Variants in GPR158 observed in about 807,000 individuals in gnomAD.
GPR158 encodes G protein-coupled receptor 158, also known as metabotropic glycine receptor.
GPR158 carries 30 observed loss-of-function variants against 78.2 expected under a neutral mutation model. That is an observed-to-expected ratio of 0.38 (90% CI 0.29 to 0.52). The LOEUF (loss-of-function observed/expected upper bound fraction) is 0.52. Ranked by LOEUF, GPR158 falls within the 20% of genes least tolerant of loss-of-function variation. The pLI is 0.83. For synonymous variants in GPR158, 581 were observed against 591.1 expected (o/e 0.98, Z 0.25); for missense variants, 1,463 against 1,523.5 (o/e 0.96, Z 0.66).
intron 2 of GPR158, among the ~76,000 whole-genome samples, chr10:25,312,798 G>A (rs1451663737): frequency 6.6e-6 from 1 of 152,032 alleles, no homozygotes; most frequent in Non-Finnish European, 1.5e-5. Context: ...AAGTGAAATT[G>A]AATCATTTTC....
At chr10:25,335,335 G>A (rs1337328890) in intron 2 of GPR158, among the ~76,000 whole-genome samples, 1 of 152,072 alleles carries the variant, frequency 6.6e-6, no homozygotes, top group African/African-American at 2.4e-5. Context: ...CATAGGGATA[G>A]AAATATCTAG....
At chr10:25,548,121 T>C (rs1836687270) in intron 5 of GPR158, among the ~76,000 whole-genome samples, 1 of 152,186 alleles carries the variant, frequency 6.6e-6, no homozygotes, top group Non-Finnish European at 1.5e-5. Flanking sequence ...AGGTAACATT[T>C]TCCTTTTAAA....
intron 4 of GPR158, among the ~76,000 whole-genome samples, chr10:25,424,798 A>ATG (rs1834796789): frequency 1.3e-5 from 2 of 152,262 alleles, no homozygotes; most frequent in Admixed American, 6.5e-5. Context: ...CTTGTAGAAT[A>ATG]CTTTGATGTC....
intron 2 of GPR158, among the ~76,000 whole-genome samples, chr10:25,287,041 T>A (rs1411114592): frequency 1.3e-5 from 2 of 152,224 alleles, no homozygotes; most frequent in African/African-American, 2.4e-5. Context: ...TTATTATAGT[T>A]CTAATTAAGC....
intron 1 of GPR158, among the ~76,000 whole-genome samples, chr10:25,204,369 A>G (rs1481717194): frequency 6.6e-6 from 1 of 152,206 alleles, no homozygotes; most frequent in East Asian, 1.9e-4. Context: ...TTGCCCATTC[A>G]GTATGATATT....
At chr10:25,586,815 A>G (rs1423536164) in intron 7 of GPR158, among the ~76,000 whole-genome samples, 1 of 152,190 alleles carries the variant, frequency 6.6e-6, no homozygotes, top group Non-Finnish European at 1.5e-5. Flanking sequence ...GTTTCAGAAA[A>G]ATGAACCTGT....
At chr10:25,394,887 T>G (rs1448567735) in intron 2 of GPR158, among the ~76,000 whole-genome samples, 1 of 152,140 alleles carries the variant, frequency 6.6e-6, no homozygotes, top group Non-Finnish European at 1.5e-5. Flanking sequence ...ATTTAAAATT[T>G]TATCTCAAGG....
intron 5 of GPR158, among the ~76,000 whole-genome samples, chr10:25,548,310 A>G (rs4145858): frequency 0.27 from 40,853 of 152,024 alleles, 6,745 homozygotes; most frequent in Non-Finnish European, 0.36. Flanking sequence ...TAAAAGTCAT[A>G]GTAGGAATTC....
intron 3 of GPR158, among the ~76,000 whole-genome samples, chr10:25,399,915 A>G (rs1263329638): frequency 1.3e-5 from 2 of 152,202 alleles, no homozygotes; most frequent in Non-Finnish European, 2.9e-5. Flanking sequence ...GAATGACCAC[A>G]TGTAGCCCTT....
chr10:25,268,087 C>G (rs1854066329), intron 2 of GPR158, among the ~76,000 whole-genome samples: 1 of 151,962 alleles, frequency 6.6e-6, no homozygotes, highest in South Asian at 2.1e-4. Context: ...GGAATGCATG[C>G]AAAGTGTGTC....
At position 25,600,823 on chromosome 10, in the gene GPR158, A is replaced by G. The variant is rs1450745515; in HGVS notation, c.*1549A>G. On this transcript the variant is annotated 3_prime_UTR_variant, in exon 11 of 11. Coordinates refer to ENST00000376351, the MANE Select transcript of GPR158 (RefSeq NM_020752.3). ...CCCCAAAGCATATTTTATAAAGCTT[A>G]TTGCATTCCACACTGATCTCTTGGC... The G allele has an allele frequency of 6.6e-6, 1 of 152,198 alleles. No homozygotes were observed. The highest frequency in any genetic ancestry group is 1.5e-5 in the Non-Finnish European group (1 of 68,024). 9.4% of individuals were successfully genotyped at this position (152,198 alleles called of 1,614,324 possible). A position where few individuals can be genotyped will look rare whatever the true frequency, so the allele number is the denominator to read the frequency against.
At chr10:25,270,659 A>G (rs551844885) in intron 2 of GPR158, among the ~76,000 whole-genome samples, 4 of 152,258 alleles carry the variant, frequency 2.6e-5, no homozygotes, top group African/African-American at 9.6e-5. Flanking sequence ...CCAACCAGAA[A>G]TCTACAGGCC....
intron 2 of GPR158, among the ~76,000 whole-genome samples, chr10:25,271,140 A>T (rs920021750): frequency 1.3e-5 from 2 of 152,068 alleles, no homozygotes; most frequent in Non-Finnish European, 2.9e-5. Context: ...CTCCTGTTTT[A>T]ATCTAGTTAG....
chr10:25,429,207 G>A (rs190425214), intron 4 of GPR158, among the ~76,000 whole-genome samples: 37 of 152,106 alleles, frequency 2.4e-4, no homozygotes, highest in South Asian at 1.0e-3. Context: ...ATTGTCACAG[G>A]TGCCTTTCCC....
intron 2 of GPR158, among the ~76,000 whole-genome samples, chr10:25,328,133 A>G (rs1855062829): frequency 6.6e-6 from 1 of 152,186 alleles, no homozygotes. Context: ...ATGTACCTGA[A>G]TAAGAAAGGA....
At chr10:25,400,288 C>G (rs1013948959) in intron 3 of GPR158, among the ~76,000 whole-genome samples, 1 of 151,958 alleles carries the variant, frequency 6.6e-6, no homozygotes, top group African/African-American at 2.4e-5. Context: ...AGCAAAAGAC[C>G]CCAAATTCCT....
chr10:25,233,686 C>A (rs1853483977), intron 2 of GPR158, among the ~76,000 whole-genome samples: 1 of 152,170 alleles, frequency 6.6e-6, no homozygotes, highest in South Asian at 2.1e-4. Context: ...TCCTCAAGAC[C>A]CTTTCAAGGG....
intron 4 of GPR158, among the ~76,000 whole-genome samples, chr10:25,428,714 C>T (rs1327837898): frequency 6.6e-6 from 1 of 151,948 alleles, no homozygotes; most frequent in Non-Finnish European, 1.5e-5. Context: ...GCTTTCAGTT[C>T]CGTACCTTTG....
chr10:25,351,079 A>G (rs1855459751), intron 2 of GPR158, among the ~76,000 whole-genome samples: 1 of 151,980 alleles, frequency 6.6e-6, no homozygotes, highest in African/African-American at 2.4e-5. Flanking sequence ...GGTGACACCT[A>G]TACAGCCTGT....
Sources: allele counts gnomAD v4.1 joint callset (sites outside exome capture counted in the v4.1 genomes callset), GRCh38; gene constraint gnomAD v4.1.1; transcripts MANE v1.5; gene names NCBI Gene and HGNC (gene_info 2026-07-23, HGNC 2026-07-21).